Variants in KCNN3 observed in about 807,000 individuals in gnomAD.
KCNN3 encodes the protein potassium calcium-activated channel subfamily N member 3, also known as small conductance calcium-activated potassium channel protein 3.
A neutral mutation model predicts 62.9 loss-of-function variants in KCNN3; 16 were observed. That is an observed-to-expected ratio of 0.25 (90% CI 0.17 to 0.39). The LOEUF (loss-of-function observed/expected upper bound fraction) is 0.39. KCNN3 is among the 10% of genes least tolerant of loss of function. The probability of loss-of-function intolerance (pLI) is 1.00; values close to 1 mark genes in which losing one functional copy is unlikely to be tolerated. For missense variants in KCNN3, 599 were observed against 949.4 expected, an observed-to-expected ratio of 0.63 and a Z score of 4.85; for synonymous variants, 370 against 389.2, an observed-to-expected ratio of 0.95 and a Z score of 0.58.
At chr1:154,726,982 A>T (rs1435486216) in intron 4 of KCNN3, among the ~76,000 whole-genome samples, 2 of 152,230 alleles carry the variant, frequency 1.3e-5, no homozygotes, top group East Asian at 3.9e-4. Context: ...TTCCCTGCAC[A>T]TTCCAACATT....
chr1:154,863,734 G>A (rs1035033385), intron 1 of KCNN3, among the ~76,000 whole-genome samples: 1 of 151,884 alleles, frequency 6.6e-6, no homozygotes, highest in Non-Finnish European at 1.5e-5. Context: ...AGAGAAATAC[G>A]AGGCATCAGC....
At chr1:154,754,338 C>T (rs1647529080) in intron 3 of KCNN3, among the ~76,000 whole-genome samples, 1 of 151,786 alleles carries the variant, frequency 6.6e-6, no homozygotes, top group Non-Finnish European at 1.5e-5. Context: ...GAGCTTGGTG[C>T]CTAAATAGAG....
intron 3 of KCNN3, chr1:154,736,999 T>C (rs550744148): frequency 2.9e-6 from 2 of 701,420 alleles, no homozygotes; most frequent in East Asian, 5.4e-5. Flanking sequence ...TGCTCTCCAG[T>C]GGCTTGGAGC....
chr1:154,720,267 C>A (rs760465942), intron 5 of KCNN3, among the ~76,000 whole-genome samples: 1 of 152,200 alleles, frequency 6.6e-6, no homozygotes, highest in Non-Finnish European at 1.5e-5. Context: ...CCAGCTTAAA[C>A]GCACATTGTT....
chr1:154,728,539 G>A (rs933911467), intron 4 of KCNN3, among the ~76,000 whole-genome samples: 9 of 152,088 alleles, frequency 5.9e-5, no homozygotes, highest in Non-Finnish European at 2.9e-5. Flanking sequence ...GAATCCTGAA[G>A]CCTAGACTGC....
chr1:154,843,345 G>T (rs1321360697), intron 1 of KCNN3, among the ~76,000 whole-genome samples: 5 of 152,268 alleles, frequency 3.3e-5, no homozygotes, highest in East Asian at 1.9e-4. Context: ...CTCCACAGCT[G>T]GTTCCCAGCG....
intron 7 of KCNN3, among the ~76,000 whole-genome samples, chr1:154,708,988 G>T (rs1407133845): frequency 2.0e-5 from 3 of 152,120 alleles, no homozygotes; most frequent in East Asian, 1.9e-4. Context: ...TGAGGTCTTT[G>T]TTGACTGTAT....
At chr1:154,796,347 T>C (rs1452772416) in intron 2 of KCNN3, among the ~76,000 whole-genome samples, 1 of 152,178 alleles carries the variant, frequency 6.6e-6, no homozygotes, top group Non-Finnish European at 1.5e-5. Flanking sequence ...TCTTTGTTAT[T>C]AGTCTGTCTT....
At chr1:154,742,586 G>T (rs1184474323) in intron 3 of KCNN3, among the ~76,000 whole-genome samples, 1 of 152,208 alleles carries the variant, frequency 6.6e-6, no homozygotes, top group African/African-American at 2.4e-5. Context: ...GTGTGTCTAT[G>T]GTTAGCCTTG....
At chr1:154,749,590 G>A (rs1288245470) in intron 3 of KCNN3, among the ~76,000 whole-genome samples, 1 of 152,220 alleles carries the variant, frequency 6.6e-6, no homozygotes, top group Non-Finnish European at 1.5e-5. Context: ...GAGAAGACAG[G>A]GTGCCAAGGA....
rs1227977447 is a variant in KCNN3 at position 154,700,441 on chromosome 1, T to C, written c.*7535A>G. On this transcript the variant is annotated 3_prime_UTR_variant, in exon 8 of 8. Transcript: ENST00000271915. ...CCTTGATTCTAGATGGAATACAACT[T>C]TGAGGGGAAAGGTCAGAATATATTT... The C allele has an allele frequency of 6.6e-6, 1 of 152,146 alleles. No individual in the cohort carries two copies. The allele number at this position is 152,146 out of a possible 1,614,324, so 9.4% of individuals were successfully genotyped here. A position where few individuals can be genotyped will look rare whatever the true frequency, so the allele number is the denominator to read the frequency against.
Position 154,697,772 on chromosome 1 carries a change from C to A in KCNN3, c.*10204G>T, listed in dbSNP as rs1031440150. ...ATCTTACAAATCCAATGGTGGCCAG[C>A]AGTAGAACTGAAGCCTGTAAGTTTT... On this transcript the variant is annotated 3_prime_UTR_variant, in exon 8 of 8. Transcript: ENST00000271915. 4 of 152,206 alleles carry A rather than the reference C, an allele frequency of 2.6e-5. No homozygotes were observed. Among genetic ancestry groups the A allele is most frequent in the Non-Finnish European group, 4.4e-5 (3 of 68,054 alleles). 9.4% of individuals were successfully genotyped at this position (152,206 alleles called of 1,614,324 possible). A position where few individuals can be genotyped will look rare whatever the true frequency, so the allele number is the denominator to read the frequency against.
chr1:154,792,773 G>A (rs1649572642), intron 2 of KCNN3, among the ~76,000 whole-genome samples: 1 of 152,190 alleles, frequency 6.6e-6, no homozygotes, highest in African/African-American at 2.4e-5. Flanking sequence ...CCCAGAAGCA[G>A]GGGATTGACC....
chr1:154,750,799 C>T (rs1003067406), intron 3 of KCNN3, among the ~76,000 whole-genome samples: 2 of 152,116 alleles, frequency 1.3e-5, no homozygotes, highest in Non-Finnish European at 2.9e-5. Context: ...TGGCTGTGCT[C>T]GGGGTCTCTG....
At chr1:154,824,677 A>G (rs920919894) in intron 1 of KCNN3, among the ~76,000 whole-genome samples, 6 of 152,194 alleles carry the variant, frequency 3.9e-5, no homozygotes, top group African/African-American at 1.4e-4. Context: ...TCAGCTGCAC[A>G]TTTCAGCCCC....
intron 1 of KCNN3, among the ~76,000 whole-genome samples, chr1:154,858,048 T>C (rs755241655): frequency 6.6e-5 from 10 of 152,174 alleles, no homozygotes; most frequent in Non-Finnish European, 1.5e-4. Flanking sequence ...TCAGCTTGCA[T>C]CAATTTCATT....
chr1:154,731,514 CCAA>C (rs1347603270), intron 4 of KCNN3, among the ~76,000 whole-genome samples: 1 of 152,212 alleles, frequency 6.6e-6, no homozygotes, highest in Non-Finnish European at 1.5e-5. Context: ...CCCCAGGAAG[CCAA>C]CAAGACGGAG....
At chr1:154,758,109 T>C (rs1647816683) in intron 3 of KCNN3, among the ~76,000 whole-genome samples, 1 of 152,178 alleles carries the variant, frequency 6.6e-6, no homozygotes, top group African/African-American at 2.4e-5. Context: ...CTACACGTTT[T>C]AACCAATATT....
chr1:154,724,888 G>T (rs1470006318), intron 5 of KCNN3, among the ~76,000 whole-genome samples: 2 of 146,502 alleles, frequency 1.4e-5, no homozygotes, highest in Admixed American at 6.8e-5. Flanking sequence ...ATGGAGTCTT[G>T]CTCTGTCGCC....
Sources: gnomAD v4.1 joint callset for allele counts (sites outside exome capture counted in the v4.1 genomes callset) on GRCh38, gnomAD v4.1.1 for gene constraint, MANE v1.5 for transcripts, NCBI Gene and HGNC (gene_info 2026-07-23, HGNC 2026-07-21) for gene names.